The following SMIM31 variants were observed in gnomAD, a reference collection of about 807,000 sequenced individuals.
The protein encoded by SMIM31 is human epithelial cell program regulator.
At chr4:164,762,566 A>AAT (rs1437361565) in intron 1 of SMIM31, among the ~76,000 whole-genome samples, 2 of 151,316 alleles carry the variant, frequency 1.3e-5, no homozygotes, top group Admixed American at 6.6e-5. Flanking sequence ...AAAATACTAA[A>AAT]ATATATATAT....
rs567073723 is a variant in SMIM31 at position 164,758,638 on chromosome 4, T to TTG, written c.-26+4228_-26+4229insGT. 9.9e-4 allele frequency among the ~76,000 whole-genome samples: 125 copies of TTG among 126,886 alleles called. 1 individual carries two copies. The highest frequency in any genetic ancestry group is 3.5e-3 in the African/African-American group (122 of 35,076). The allele number at this position is 126,886 out of a possible 152,430, so 83.2% of individuals were successfully genotyped here. ...GTAGTTTTCCTTTTTTTGTTTTTTT[T>TTG]TTTTTTTTTTTTTGAGACGGAGTCT... On this transcript the variant is annotated intron_variant, in intron 1 of 2. Coordinates refer to ENST00000507311, the MANE Select transcript of SMIM31 (RefSeq NM_001352885.1).
chr4:164,755,748 C>T (rs1732553201), intron 1 of SMIM31, among the ~76,000 whole-genome samples: 1 of 152,052 alleles, frequency 6.6e-6, no homozygotes, highest in African/African-American at 2.4e-5. Flanking sequence ...AGTTTCACAC[C>T]AGTCTCTGGT....
intron 1 of SMIM31, among the ~76,000 whole-genome samples, chr4:164,756,328 T>A (rs1050788782): frequency 6.6e-6 from 1 of 152,058 alleles, no homozygotes; most frequent in Non-Finnish European, 1.5e-5. Flanking sequence ...CCCAGCACTT[T>A]GGGAGGCTGG....
intron 2 of SMIM31, among the ~76,000 whole-genome samples, chr4:164,776,130 T>A (rs1732877313): frequency 6.6e-6 from 1 of 152,140 alleles, no homozygotes; most frequent in South Asian, 2.1e-4. Flanking sequence ...CTCCTCCCCC[T>A]CTACTTGAAT....
At chr4:164,769,818 G>A (rs76734227) in intron 1 of SMIM31, among the ~76,000 whole-genome samples, 1,553 of 152,138 alleles carry the variant, frequency 0.01, 25 homozygotes, top group African/African-American at 0.035. Flanking sequence ...ATTATGGTGG[G>A]TTTGGGATTG....
chr4:164,782,372 C>CTTTTTTT (rs1359094792), intron 2 of SMIM31, among the ~76,000 whole-genome samples: 1 of 135,876 alleles, frequency 7.4e-6, no homozygotes, highest in African/African-American at 3.4e-5. Flanking sequence ...TTATCTCTTT[C>CTTTTTTT]TTTTATTTTT....
At chr4:164,774,962 T>C (rs978334203) in intron 2 of SMIM31, among the ~76,000 whole-genome samples, 3 of 152,228 alleles carry the variant, frequency 2.0e-5, no homozygotes, top group African/African-American at 7.2e-5. Context: ...TCCAAGGAAC[T>C]AGCTGGAGGC....
chr4:164,770,955 A>G (rs1313812260), intron 2 of SMIM31, among the ~76,000 whole-genome samples: 1 of 152,192 alleles, frequency 6.6e-6, no homozygotes, highest in Admixed American at 6.5e-5. Context: ...TTCAGACGAA[A>G]TTGATAACTG....
In SMIM31 at chr4:164,783,232, A is replaced by AAAAC. The variant is rs147369524; in HGVS notation, c.112+12677_112+12678insAAAC. On this transcript the variant is annotated intron_variant, in intron 2 of 2. Transcript: ENST00000507311. ...GACTCTGTCTCAAAAAAAAAAAAAA[A>AAAAC]GGAATTTCTGGCCGGGTGCTGTGGC... Among the ~76,000 whole-genome samples the AAAAC allele has an allele frequency of 7.9e-5, 10 of 127,224 alleles. 1 individual carries two copies. Among genetic ancestry groups the AAAAC allele is most frequent in the African/African-American group, 1.2e-4 (4 of 33,312 alleles). The allele number at this position is 127,224 out of a possible 152,430, so 83.5% of individuals were successfully genotyped here.
chr4:164,764,412 C>A (rs761123737), intron 1 of SMIM31, among the ~76,000 whole-genome samples: 4 of 151,914 alleles, frequency 2.6e-5, no homozygotes, highest in Non-Finnish European at 5.9e-5. Context: ...ACTAAAAATA[C>A]AAAAATTAGC....
intron 1 of SMIM31, among the ~76,000 whole-genome samples, chr4:164,755,539 A>AGGAAGGGAGG (rs1560821435): frequency 0.033 from 374 of 11,436 alleles, 49 homozygotes; most frequent in Admixed American, 0.051. Context: ...GGGAGAGGAG[A>AGGAAGGGAGG]GGAGGGGAGG....
intron 2 of SMIM31, among the ~76,000 whole-genome samples, chr4:164,794,819 TA>T (rs1211829069): frequency 6.6e-6 from 1 of 151,100 alleles, no homozygotes; most frequent in Non-Finnish European, 1.5e-5. Flanking sequence ...ATAATAATAA[TA>T]ATAATAATTT....
chr4:164,786,153 A>G (rs986596244), intron 2 of SMIM31, among the ~76,000 whole-genome samples: 12 of 152,282 alleles, frequency 7.9e-5, no homozygotes, highest in African/African-American at 2.6e-4. Context: ...TTGTGACACA[A>G]TTTCCCAGGA....
In SMIM31 at chr4:164,782,701, C is replaced by T. The variant is rs1732970620; in HGVS notation, c.112+12146C>T. On this transcript the variant is annotated intron_variant, in intron 2 of 2. Coordinates refer to ENST00000507311, the MANE Select transcript of SMIM31 (RefSeq NM_001352885.1). The stretch of plus-strand genomic sequence containing the variant: ...TTAAAAAGAATGCTACTTAATTCAG[C>T]ATTGAATAACAAAGTTCTGAATTTT... Among the ~76,000 whole-genome samples, 4 of 151,252 alleles carry T rather than the reference C, an allele frequency of 2.6e-5. No individual in the cohort carries two copies. In the South Asian group the frequency reaches 8.3e-4, roughly 31 times the overall value.
At chr4:164,786,186 T>C (rs1468389078) in intron 2 of SMIM31, among the ~76,000 whole-genome samples, 7 of 152,232 alleles carry the variant, frequency 4.6e-5, no homozygotes, top group Non-Finnish European at 8.8e-5. Flanking sequence ...TTGAAGGATG[T>C]TTGCTAAGGA....
At chr4:164,762,306 G>T (rs1732661440) in intron 1 of SMIM31, among the ~76,000 whole-genome samples, 1 of 152,180 alleles carries the variant, frequency 6.6e-6, no homozygotes, top group Admixed American at 6.5e-5. Flanking sequence ...TCAACAGAAA[G>T]TCAAGGAATT....
rs564155784 is a variant in SMIM31, at chr4:164,770,568, A to C, written c.112+13A>C. 1.9e-3 allele frequency: 754 copies of C among 398,970 alleles called. 4 individuals are homozygous for C. The highest frequency in any genetic ancestry group is 2.1e-3 in the Non-Finnish European group (464 of 226,004). The allele number at this position is 398,970 out of a possible 1,614,324, so 24.7% of individuals were successfully genotyped here. On this transcript the variant is annotated intron_variant, in intron 2 of 2. Coordinates refer to ENST00000507311, the MANE Select transcript of SMIM31 (RefSeq NM_001352885.1). ...GACAGTAATGAAGGTAAAAGAAGAC[A>C]AAAAGAACAAAGCTCTTTGTGGCTA... is the stretch of plus-strand genomic sequence containing the variant.
chr4:164,760,086 C>T (rs1346432909), intron 1 of SMIM31, among the ~76,000 whole-genome samples: 2 of 151,968 alleles, frequency 1.3e-5, no homozygotes, highest in Non-Finnish European at 2.9e-5. Context: ...AGTGAAGGAG[C>T]AAAAGCCAGG....
Position 164,801,371 on chromosome 4 carries a change from G to C in SMIM31, c.*177G>C, listed in dbSNP as rs1392505907. 9 of 381,576 alleles carry C rather than the reference G, an allele frequency of 2.4e-5. No homozygotes were observed. The highest frequency in any genetic ancestry group is 4.2e-5 in the Non-Finnish European group (9 of 216,056). 23.6% of individuals were successfully genotyped at this position (381,576 alleles called of 1,614,324 possible). A position where few individuals can be genotyped will look rare whatever the true frequency, so the allele number is the denominator to read the frequency against. ...TACTCGGGAAAGGCTTCACATTTCT[G>C]GGACTCAGCATTATCCAAAATATCT... On this transcript the variant is annotated 3_prime_UTR_variant, in exon 3 of 3. Transcript: ENST00000507311.
Sources: gnomAD v4.1 joint callset for allele counts (sites outside exome capture counted in the v4.1 genomes callset) on GRCh38, gnomAD v4.1.1 for gene constraint, MANE v1.5 for transcripts, NCBI Gene and HGNC (gene_info 2026-07-23, HGNC 2026-07-21) for gene names.